Variants in FAF1 observed in about 807,000 individuals in gnomAD.
FAF1 encodes the protein Fas associated factor 1, also known as FAS-associated factor 1.
In FAF1, 25 loss-of-function variants were observed where a neutral mutation model predicts 92.5. The observed-to-expected ratio is 0.27, with a 90% confidence interval of 0.20 to 0.38. The LOEUF (loss-of-function observed/expected upper bound fraction) is 0.38, where lower values mean the gene tolerates loss of function less well. Ranked by LOEUF, FAF1 falls within the 10% of genes least tolerant of loss-of-function variation. The probability of loss-of-function intolerance (pLI) is 1.00; values close to 1 mark genes in which losing one functional copy is unlikely to be tolerated. For missense variants in FAF1, 636 were observed against 793.3 expected, an observed-to-expected ratio of 0.80 and a Z score of 2.38; for synonymous variants, 234 against 273.2, an observed-to-expected ratio of 0.86 and a Z score of 1.42.
intron 7 of FAF1, among the ~76,000 whole-genome samples, chr1:50,676,159 C>A (rs566962673): frequency 1.3e-5 from 2 of 152,296 alleles, no homozygotes; most frequent in South Asian, 4.1e-4. Context: ...GTAATCCCAG[C>A]ACTTCGGGAG....
intron 1 of FAF1, among the ~76,000 whole-genome samples, chr1:50,891,158 T>G (rs57095912): frequency 0.066 from 10,116 of 152,316 alleles, 408 homozygotes; most frequent in East Asian, 0.094. Context: ...AAATCGGCTA[T>G]TGAAGCTTGT....
At chr1:50,577,403 T>C (rs1202034183) in intron 12 of FAF1, among the ~76,000 whole-genome samples, 1 of 152,106 alleles carries the variant, frequency 6.6e-6, no homozygotes, top group African/African-American at 2.4e-5. Flanking sequence ...CACGCACCTG[T>C]AGTCCCAGCT....
At chr1:50,778,846 C>G (rs552448094) in intron 4 of FAF1, among the ~76,000 whole-genome samples, 4 of 152,106 alleles carry the variant, frequency 2.6e-5, no homozygotes, top group Non-Finnish European at 4.4e-5. Context: ...CAGACACACA[C>G]ACACACACAC....
intron 8 of FAF1, among the ~76,000 whole-genome samples, chr1:50,618,515 G>A (rs979320836): frequency 2.0e-5 from 3 of 146,994 alleles, no homozygotes; most frequent in Non-Finnish European, 3.0e-5. Context: ...AGGCTGCCTC[G>A]GCCTCCCAAA....
At chr1:50,809,615 G>T (rs1662342448) in intron 2 of FAF1, among the ~76,000 whole-genome samples, 1 of 152,006 alleles carries the variant, frequency 6.6e-6, no homozygotes. Context: ...GAAATTGAAT[G>T]ACTAATAATA....
intron 2 of FAF1, among the ~76,000 whole-genome samples, chr1:50,839,865 C>T (rs149870180): frequency 5.8e-4 from 88 of 152,106 alleles, no homozygotes; most frequent in Non-Finnish European, 9.9e-4. Context: ...TAATCAACTT[C>T]CAAACATACA....
intron 1 of FAF1, among the ~76,000 whole-genome samples, chr1:50,905,347 G>A (rs1644828102): frequency 6.6e-6 from 1 of 151,858 alleles, no homozygotes; most frequent in Admixed American, 6.6e-5. Context: ...CAATAAACAT[G>A]TGTGCATGTG....
chr1:50,580,512 G>A (rs1263189966), intron 12 of FAF1, among the ~76,000 whole-genome samples: 4 of 151,518 alleles, frequency 2.6e-5, no homozygotes, highest in Non-Finnish European at 5.9e-5. Flanking sequence ...GCTATTTATT[G>A]TACTATAGTA....
chr1:50,666,129 CAAA>C (rs57489116), intron 7 of FAF1, among the ~76,000 whole-genome samples: 4 of 122,762 alleles, frequency 3.3e-5, no homozygotes, highest in Admixed American at 8.6e-5. Flanking sequence ...GAGCCCAGAT[CAAA>C]AAAAAAAAAA....
intron 8 of FAF1, among the ~76,000 whole-genome samples, chr1:50,653,231 C>G (rs1654945958): frequency 6.6e-6 from 1 of 151,680 alleles, no homozygotes; most frequent in Admixed American, 6.6e-5. Context: ...CCATAGATGA[C>G]CAGCCAATAA....
intron 5 of FAF1, 90 bp downstream of exon 5, chr1:50,744,594 A>T: frequency 2.4e-6 from 2 of 827,554 alleles, no homozygotes; most frequent in Non-Finnish European, 4.0e-6. Context: ...TGCCATATGT[A>T]ACAACATTAA....
intron 7 of FAF1, among the ~76,000 whole-genome samples, chr1:50,683,197 T>C (rs1019785497): frequency 1.3e-5 from 2 of 151,992 alleles, no homozygotes; most frequent in Non-Finnish European, 2.9e-5. Flanking sequence ...TTATGGAGGA[T>C]GTTTTAGAGA....
chr1:50,853,473 G>A (rs943899798), intron 2 of FAF1, among the ~76,000 whole-genome samples: 6 of 152,084 alleles, frequency 3.9e-5, no homozygotes, highest in African/African-American at 1.4e-4. Flanking sequence ...GTTGAAACAT[G>A]TAGTTAAAGA....
At chr1:50,453,828 C>G (rs1646322157) in intron 18 of FAF1, among the ~76,000 whole-genome samples, 2 of 152,174 alleles carry the variant, frequency 1.3e-5, no homozygotes, top group African/African-American at 4.8e-5. Context: ...TGCGTATTCC[C>G]TATCAGTTTA....
At chr1:50,759,799 C>T (rs1166003724) in intron 4 of FAF1, among the ~76,000 whole-genome samples, 1 of 152,212 alleles carries the variant, frequency 6.6e-6, no homozygotes, top group Non-Finnish European at 1.5e-5. Context: ...TTCTCCACAT[C>T]CTCTCCAGCA....
intron 12 of FAF1, among the ~76,000 whole-genome samples, chr1:50,571,629 T>C (rs540337507): frequency 4.7e-4 from 72 of 152,350 alleles, no homozygotes; most frequent in African/African-American, 1.7e-3. Context: ...GTGTCTGGGA[T>C]GCTTATTGTG....
chr1:50,749,208 T>G (rs1254103665), intron 4 of FAF1, among the ~76,000 whole-genome samples: 2 of 152,188 alleles, frequency 1.3e-5, no homozygotes, highest in African/African-American at 4.8e-5. Context: ...TCTAGAGCTG[T>G]ACCTGTCTGG....
Position 50,733,617 on chromosome 1 carries a change from T to TCC in FAF1, c.551+5244_551+5245dup, listed in dbSNP as rs1659019828. Among the ~76,000 whole-genome samples the TCC allele has an allele frequency of 5.9e-5, 9 of 152,064 alleles. No individual in the cohort carries two copies. The South Asian group carries it at 1.9e-3, about 32-fold the overall frequency. On this transcript the variant is annotated intron_variant, in intron 6 of 18. Transcript: ENST00000396153. ...AAGGGAAACCAGAGTTCTCTCTCTC[T>TCC]CCTCTCTCTCTCTGCCATATGAGGA...
At chr1:50,750,035 G>A (rs1223717711) in intron 4 of FAF1, among the ~76,000 whole-genome samples, 2 of 152,130 alleles carry the variant, frequency 1.3e-5, no homozygotes, top group African/African-American at 4.8e-5. Flanking sequence ...GGCAGTATAG[G>A]TTCTCAAAAC....
Sources: allele counts gnomAD v4.1 joint callset (sites outside exome capture counted in the v4.1 genomes callset), GRCh38; gene constraint gnomAD v4.1.1; transcripts MANE v1.5; gene names NCBI Gene and HGNC (gene_info 2026-07-23, HGNC 2026-07-21).